The following SPAG16 variants were observed in gnomAD, a reference collection of about 807,000 sequenced individuals.
The protein encoded by SPAG16 is sperm-associated antigen 16 protein.
Under a neutral mutation model 80.4 loss-of-function variants are expected in SPAG16, and 86 were observed. The observed-to-expected ratio is 1.07, with a 90% CI of 0.90 to 1.28. The LOEUF (loss-of-function observed/expected upper bound fraction) is 1.28. Among genes scored for constraint, SPAG16 ranks in the 50% most tolerant of loss-of-function variants. The pLI is 0.00. For synonymous variants in SPAG16, 294 were observed against 265.9 expected (o/e 1.11, Z -1.03); for missense variants, 870 against 765.3 (o/e 1.14, Z -1.61).
chr2:213,981,841 TAG>T (rs2045763477), intron 12 of SPAG16, among the ~76,000 whole-genome samples: 1 of 149,450 alleles, frequency 6.7e-6, no homozygotes, highest in African/African-American at 2.6e-5. Flanking sequence ...TCAAATGAGT[TAG>T]TTGACAAAAG....
intron 10 of SPAG16, among the ~76,000 whole-genome samples, chr2:213,554,586 G>A (rs1029472890): frequency 1.3e-5 from 2 of 152,052 alleles, no homozygotes; most frequent in Non-Finnish European, 2.9e-5. Context: ...TGGAAGTTCG[G>A]TGAACTTCAA....
intron 12 of SPAG16, among the ~76,000 whole-genome samples, chr2:214,013,302 A>G (rs2047411624): frequency 6.6e-6 from 1 of 151,544 alleles, no homozygotes; most frequent in Non-Finnish European, 1.5e-5. Flanking sequence ...TAGTGACTGT[A>G]TCCATCACTT....
Position 213,859,213 on chromosome 2 carries a change from AAAAC to A in SPAG16, c.1071-3271_1071-3268del, listed in dbSNP as rs1162788054. ...AAAAAAAAAAAAAAAAAAAAAAAAAAAAACTCAATGTCCTCTGACAACTTGATGT... is the reference window on the plus strand; with the variant it reads ...AAAAAAAAAAAAAAAAAAAAAAAAAATCAATGTCCTCTGACAACTTGATGT... On this transcript the variant is annotated intron_variant, in intron 10 of 15. Coordinates refer to ENST00000331683, the MANE Select transcript of SPAG16 (RefSeq NM_024532.5). 1.4e-3 allele frequency among the ~76,000 whole-genome samples: 149 copies of A among 110,094 alleles called. 28 individuals carry two copies. The highest frequency in any genetic ancestry group is 2.1e-3 in the Non-Finnish European group (112 of 53,690). 72.2% of individuals were successfully genotyped at this position (110,094 alleles called of 152,430 possible). A position where few individuals can be genotyped will look rare whatever the true frequency, so the allele number is the denominator to read the frequency against.
rs1197440132 is a variant in SPAG16, at chr2:214,010,268, C to T, written c.1401-3683C>T. On this transcript the variant is annotated intron_variant, in intron 12 of 15. Transcript: ENST00000331683. ...AAACATAATTGAGAGTTATAAAGAACAGATATTAAAAATGAAAAAAATAAG... is the reference window on the plus strand; with the variant it reads ...AAACATAATTGAGAGTTATAAAGAATAGATATTAAAAATGAAAAAAATAAG... Among the ~76,000 whole-genome samples the T allele has an allele frequency of 2.1e-5, 3 of 144,070 alleles. 1 individual carries two copies. The highest frequency in any genetic ancestry group is 5.5e-5 in the African/African-American group (2 of 36,320). The allele number at this position is 144,070 out of a possible 152,430, so 94.5% of individuals were successfully genotyped here.
chr2:214,075,689 C>T (rs2051040872), intron 13 of SPAG16, among the ~76,000 whole-genome samples: 1 of 152,134 alleles, frequency 6.6e-6, no homozygotes, highest in Non-Finnish European at 1.5e-5. Context: ...TCCACAGCAG[C>T]CCCACTCCTG....
At chr2:214,124,984 T>C (rs191753185) in intron 14 of SPAG16, among the ~76,000 whole-genome samples, 32 of 151,978 alleles carry the variant, frequency 2.1e-4, no homozygotes, top group Non-Finnish European at 4.1e-4. Context: ...CTAGATTGCA[T>C]TCAGAAACCT....
At chr2:214,330,135 G>A (rs1264296637) in intron 15 of SPAG16, among the ~76,000 whole-genome samples, 1 of 151,708 alleles carries the variant, frequency 6.6e-6, no homozygotes, top group Non-Finnish European at 1.5e-5. Flanking sequence ...AAAGTAGCTG[G>A]GTTTGGTGGC....
intron 10 of SPAG16, among the ~76,000 whole-genome samples, chr2:213,598,512 G>A (rs1202350583): frequency 6.6e-6 from 1 of 152,098 alleles, no homozygotes; most frequent in African/African-American, 2.4e-5. Context: ...ATGATCACTG[G>A]GAAGAATTCC....
chr2:213,401,302 T>C (rs971450718), intron 9 of SPAG16, among the ~76,000 whole-genome samples: 1 of 152,254 alleles, frequency 6.6e-6, no homozygotes, highest in Non-Finnish European at 1.5e-5. Context: ...TTAGATAATG[T>C]CATAATGCAT....
chr2:214,376,502 TAAAA>T (rs200460757), intron 15 of SPAG16, among the ~76,000 whole-genome samples: 1 of 150,996 alleles, frequency 6.6e-6, no homozygotes, highest in South Asian at 2.1e-4. Context: ...TATGGCAATC[TAAAA>T]AAAAACAGTT....
At chr2:214,195,303 T>TGATA (rs78351450) in intron 15 of SPAG16, among the ~76,000 whole-genome samples, 13,735 of 146,708 alleles carry the variant, frequency 0.094, 720 homozygotes, top group South Asian at 0.19. Flanking sequence ...AGATGAGAGA[T>TGATA]GATAGATAGA....
intron 3 of SPAG16, among the ~76,000 whole-genome samples, chr2:213,300,236 C>T (rs191085380): frequency 2.6e-4 from 40 of 152,196 alleles, no homozygotes; most frequent in Admixed American, 1.3e-3. Context: ...CTCCTGCTAC[C>T]CCTTTTCCTC....
intron 10 of SPAG16, among the ~76,000 whole-genome samples, chr2:213,543,111 T>C (rs971599894): frequency 3.3e-5 from 5 of 152,016 alleles, no homozygotes; most frequent in Non-Finnish European, 7.4e-5. Context: ...TTATGGTCAA[T>C]AAACACACTT....
chr2:214,278,561 C>G (rs1432989757), intron 15 of SPAG16, among the ~76,000 whole-genome samples: 1 of 152,110 alleles, frequency 6.6e-6, no homozygotes, highest in Non-Finnish European at 1.5e-5. Context: ...CTGATCTAGT[C>G]CTTCTATAAA....
chr2:214,229,980 A>G (rs1204119814), intron 15 of SPAG16, among the ~76,000 whole-genome samples: 2 of 151,900 alleles, frequency 1.3e-5, no homozygotes, highest in Non-Finnish European at 2.9e-5. Context: ...ACACTCCAGC[A>G]TTACATATGA....
At chr2:213,516,697 AG>A (rs1479656852) in intron 10 of SPAG16, among the ~76,000 whole-genome samples, 1 of 152,182 alleles carries the variant, frequency 6.6e-6, no homozygotes, top group African/African-American at 2.4e-5. Flanking sequence ...TAACCACATA[AG>A]GGGGCCTCCT....
chr2:214,014,372 C>T (rs538550266), intron 13 of SPAG16, among the ~76,000 whole-genome samples: 8 of 152,226 alleles, frequency 5.3e-5, no homozygotes, highest in African/African-American at 1.9e-4. Context: ...CACACTGTGC[C>T]CCCTCCTTAA....
At chr2:213,575,149 T>C (rs569386418) in intron 10 of SPAG16, among the ~76,000 whole-genome samples, 7 of 152,134 alleles carry the variant, frequency 4.6e-5, no homozygotes, top group Non-Finnish European at 7.4e-5. Flanking sequence ...AATTCTTATC[T>C]GTAAAGTGAG....
chr2:213,929,650 C>T lies in SPAG16; in HGVS notation c.1215-310C>T, dbSNP rs556467847. 5.9e-5 allele frequency among the ~76,000 whole-genome samples: 9 copies of T among 152,206 alleles called. No homozygotes were observed. The South Asian group carries it at 1.7e-3, about 28-fold the overall frequency. On this transcript the variant is annotated intron_variant, in intron 11 of 15. Transcript: ENST00000331683. The stretch of plus-strand genomic sequence containing the variant: ...CCGATCATCCAGAGCCTAATATATA[C>T]AACGCTGAACCAAACAAACACATGA...
Sources: gnomAD v4.1 joint callset for allele counts (sites outside exome capture counted in the v4.1 genomes callset) on GRCh38, gnomAD v4.1.1 for gene constraint, MANE v1.5 for transcripts, NCBI Gene and HGNC (gene_info 2026-07-23, HGNC 2026-07-21) for gene names.